The following EYS variants were observed in gnomAD, a reference collection of about 807,000 sequenced individuals.
EYS encodes the protein EGF-like photoreceptor maintenance factor.
Under a neutral mutation model 282.1 loss-of-function variants are expected in EYS, and 250 were observed. That is an observed-to-expected ratio of 0.89 (90% CI 0.80 to 0.98). The LOEUF is 0.98. Ranked by LOEUF, EYS falls within the 50% of genes least tolerant of loss-of-function variation. The pLI is 0.00. For missense variants in EYS, 4,016 were observed against 3,709.0 expected (o/e 1.08, Z -2.15); for synonymous variants, 1,355 against 1,282.9 (o/e 1.06, Z -1.20).
At chr6:64,155,699 AGGCGAAC>A (rs1417552313) in intron 31 of EYS, among the ~76,000 whole-genome samples, 5 of 152,316 alleles carry the variant, frequency 3.3e-5, no homozygotes, top group Admixed American at 3.3e-4. Context: ...GTTTGGGGTA[AGGCGAAC>A]GATGTTGTGT....
chr6:63,774,358 G>T (rs1202289155), intron 40 of EYS, among the ~76,000 whole-genome samples: 2 of 151,906 alleles, frequency 1.3e-5, no homozygotes, highest in Admixed American at 6.6e-5. Flanking sequence ...TAGTAGAGAT[G>T]GGGTTTTGCC....
chr6:65,067,163 G>A (rs1213122281), intron 12 of EYS, among the ~76,000 whole-genome samples: 2 of 152,082 alleles, frequency 1.3e-5, no homozygotes, highest in Non-Finnish European at 2.9e-5. Flanking sequence ...GGGACAAAGA[G>A]ACATGTATGT....
rs575211640 is a variant in EYS at position 63,738,652 on chromosome 6, G to A, written c.8072-11972C>T. Among the ~76,000 whole-genome samples, 3 of 151,208 alleles carry A rather than the reference G, an allele frequency of 2.0e-5. No individual in the cohort carries two copies. The East Asian group carries it at 5.9e-4, about 30-fold the overall frequency. On this transcript the variant is annotated intron_variant, in intron 41 of 42. Transcript: ENST00000503581. ...ACCTAATGCTAAATGACGAGTTAAT[G>A]GGTGCAGCACACCAGCATGGCACAT...
chr6:63,824,775 A>C (rs1277066061), intron 36 of EYS, among the ~76,000 whole-genome samples: 3 of 152,168 alleles, frequency 2.0e-5, no homozygotes, highest in Non-Finnish European at 4.4e-5. Flanking sequence ...GTCCCCAAGC[A>C]GCCCATTCCT....
chr6:65,009,672 G>A (rs897980230), intron 13 of EYS, among the ~76,000 whole-genome samples: 1 of 152,116 alleles, frequency 6.6e-6, no homozygotes. Context: ...TTGGTACATG[G>A]ATGATTTACT....
At chr6:64,278,445 T>C (rs1768189171) in intron 30 of EYS, among the ~76,000 whole-genome samples, 1 of 152,148 alleles carries the variant, frequency 6.6e-6, no homozygotes, top group South Asian at 2.1e-4. Flanking sequence ...CCTTTTTATT[T>C]CATGTAACAG....
At chr6:64,442,798 G>T (rs982528177) in intron 26 of EYS, among the ~76,000 whole-genome samples, 1 of 143,014 alleles carries the variant, frequency 7.0e-6, no homozygotes, top group Non-Finnish European at 1.6e-5. Context: ...GGGAACCTCT[G>T]CCTAGATTTC....
chr6:64,744,631 T>A (rs1772493620), intron 22 of EYS, among the ~76,000 whole-genome samples: 1 of 152,174 alleles, frequency 6.6e-6, no homozygotes, highest in Admixed American at 6.5e-5. Flanking sequence ...ACTAAAAACA[T>A]GTATGTGTAC....
intron 41 of EYS, among the ~76,000 whole-genome samples, chr6:63,739,993 C>T (rs529218228): frequency 2.5e-4 from 38 of 152,004 alleles, no homozygotes; most frequent in South Asian, 1.2e-3. Context: ...CCACCATGCC[C>T]GGCAGAAAGT....
chr6:65,063,143 A>T (rs1246027208), intron 12 of EYS, among the ~76,000 whole-genome samples: 1 of 152,154 alleles, frequency 6.6e-6, no homozygotes, highest in East Asian at 1.9e-4. Context: ...AAATAGAATT[A>T]TAAGAACTTA....
At chr6:64,294,246 A>G (rs1054003812) in intron 30 of EYS, among the ~76,000 whole-genome samples, 1 of 152,222 alleles carries the variant, frequency 6.6e-6, no homozygotes, top group Non-Finnish European at 1.5e-5. Flanking sequence ...TTCTCTGTCA[A>G]TGCTATGTTA....
At position 63,726,535 on chromosome 6, in the gene EYS, G is replaced by T. The variant is rs773389004; in HGVS notation, c.8217C>A (p.His2739Gln). Residue 2739 changes from histidine to glutamine, a missense_variant, in exon 42 of 43, where the codon CAC becomes CAA. Transcript: ENST00000503581. ...ADGILFYAAQ[H>Q]LKAQSGDFLC... ...CAATCTTACCTGATTGGGCTTTTAA[G>T]TGTTGTGCAGCATAAAATAGGATAC... The T allele has an allele frequency of 6.2e-5, 96 of 1,550,172 alleles. No homozygotes were observed. The highest frequency in any genetic ancestry group is 8.4e-5 in the Non-Finnish European group (96 of 1,146,448).
rs932092368 is a variant in EYS, at chr6:64,256,033, C to A, written c.6192-25209G>T. On this transcript the variant is annotated intron_variant, in intron 30 of 42. Coordinates refer to ENST00000503581, the MANE Select transcript of EYS (RefSeq NM_001142800.2). ...TTCAGCAATGAATATCCTTTTAATT[C>A]TTATATAAAAATCTGAGAATCATTT... 2.0e-5 allele frequency among the ~76,000 whole-genome samples: 3 copies of A among 151,894 alleles called. No individual in the cohort carries two copies. In the East Asian group the frequency reaches 5.8e-4, roughly 29 times the overall value.
At chr6:64,716,519 C>T (rs1002292782) in intron 22 of EYS, among the ~76,000 whole-genome samples, 3 of 152,186 alleles carry the variant, frequency 2.0e-5, no homozygotes, top group African/African-American at 7.2e-5. Flanking sequence ...ATATCCTCTG[C>T]CATTTCACCA....
chr6:65,383,213 T>G (rs903889976), intron 8 of EYS, among the ~76,000 whole-genome samples: 1 of 152,068 alleles, frequency 6.6e-6, no homozygotes, highest in Non-Finnish European at 1.5e-5. Flanking sequence ...ATAACTTTAT[T>G]TATAGGGCAT....
intron 22 of EYS, among the ~76,000 whole-genome samples, chr6:64,709,647 T>C (rs1000554468): frequency 1.8e-4 from 28 of 152,320 alleles, no homozygotes; most frequent in African/African-American, 6.5e-4. Flanking sequence ...CTGTAAATTG[T>C]ATAGTCCATT....
At chr6:65,182,074 G>A (rs193089677) in intron 12 of EYS, among the ~76,000 whole-genome samples, 121 of 152,006 alleles carry the variant, frequency 8.0e-4, no homozygotes, top group African/African-American at 2.7e-3. Context: ...GGGGTAGGGG[G>A]GAGGGATAGC....
intron 40 of EYS, among the ~76,000 whole-genome samples, chr6:63,774,651 C>A (rs1475351162): frequency 5.3e-5 from 8 of 151,988 alleles, no homozygotes; most frequent in African/African-American, 1.9e-4. Flanking sequence ...TTAATTAGCT[C>A]ATTTGAGCCA....
chr6:64,559,255 ATGTGTGTGTGTGTGCATG>A, intron 26 of EYS, among the ~76,000 whole-genome samples: 1 of 132,120 alleles, frequency 7.6e-6, no homozygotes. Flanking sequence ...CCTTCTTTGT[ATGTGTGTGTGTGTGCATG>A]TGTGTGTGTG....
Sources: allele counts gnomAD v4.1 joint callset (sites outside exome capture counted in the v4.1 genomes callset), GRCh38; gene constraint gnomAD v4.1.1; transcripts MANE v1.5; gene names NCBI Gene and HGNC (gene_info 2026-07-23, HGNC 2026-07-21).